Variants in TWIST2 observed in about 807,000 individuals in gnomAD.
The protein encoded by TWIST2 is twist family bHLH transcription factor 2, also known as twist-related protein 2.
Under a neutral mutation model 11.6 loss-of-function variants are expected in TWIST2, and 1 was observed. The observed-to-expected ratio is 0.09, with a 90% CI of 0.03 to 0.41. The LOEUF is 0.41. Among genes scored for constraint, TWIST2 ranks in the 10% least tolerant of loss-of-function variants. TWIST2 has a pLI of 0.98. For missense variants in TWIST2, 168 were observed against 226.4 expected (o/e 0.74, Z 1.66); for synonymous variants, 87 against 96.6 (o/e 0.90, Z 0.58).
chr2:238,878,228 G>C (rs143423882), intron 1 of TWIST2, among the ~76,000 whole-genome samples: 159 of 152,208 alleles, frequency 1.0e-3, no homozygotes, highest in African/African-American at 3.8e-3. Flanking sequence ...CAATTCAATA[G>C]TTAACCCCTG....
intron 1 of TWIST2, among the ~76,000 whole-genome samples, chr2:238,894,618 T>A (rs1361300386): frequency 2.0e-5 from 3 of 152,154 alleles, no homozygotes; most frequent in African/African-American, 7.2e-5. Flanking sequence ...CCTTGTCGCT[T>A]TGGGGAGTCC....
intron 1 of TWIST2, among the ~76,000 whole-genome samples, chr2:238,883,065 G>A (rs1189924171): frequency 6.6e-6 from 1 of 152,168 alleles, no homozygotes; most frequent in Non-Finnish European, 1.5e-5. Context: ...TCTCCTCCAG[G>A]TTCTGTTTTT....
chr2:238,869,415 C>T (rs1027040923), intron 1 of TWIST2, among the ~76,000 whole-genome samples: 4 of 152,152 alleles, frequency 2.6e-5, no homozygotes, highest in Non-Finnish European at 5.9e-5. Flanking sequence ...GAAATGACAA[C>T]CTGTGGAATG....
At chr2:238,899,223 C>T (rs879001346) in intron 1 of TWIST2, among the ~76,000 whole-genome samples, 54,549 of 152,222 alleles carry the variant, frequency 0.36, 9,949 homozygotes, top group Middle Eastern at 0.49. Flanking sequence ...TTTCTCTCTG[C>T]TTTCTTCATT....
chr2:238,906,538 G>A (rs1693358364), intron 1 of TWIST2, among the ~76,000 whole-genome samples: 1 of 151,922 alleles, frequency 6.6e-6, no homozygotes, highest in Non-Finnish European at 1.5e-5. Flanking sequence ...GCACACACAC[G>A]GGCCAACTTA....
chr2:238,907,155 A>C (rs1483855805), intron 1 of TWIST2, among the ~76,000 whole-genome samples: 1 of 152,108 alleles, frequency 6.6e-6, no homozygotes, highest in African/African-American at 2.4e-5. Flanking sequence ...AGCGGCCCTG[A>C]GGCGCGGCGC....
intron 1 of TWIST2, among the ~76,000 whole-genome samples, chr2:238,853,558 A>G (rs932644459): frequency 2.0e-5 from 3 of 152,112 alleles, no homozygotes. Flanking sequence ...TTTGTTTGGT[A>G]GTAACCCTTT....
At chr2:238,848,812 G>T (rs930953657) in intron 1 of TWIST2, 79 bp downstream of exon 1, 21 of 1,157,588 alleles carry the variant, frequency 1.8e-5, no homozygotes, top group Non-Finnish European at 2.0e-5. Context: ...GGGCCTGCTC[G>T]TGTCTCCTCG....
intron 1 of TWIST2, among the ~76,000 whole-genome samples, chr2:238,873,395 T>G (rs1201818397): frequency 6.6e-6 from 1 of 152,002 alleles, no homozygotes; most frequent in Non-Finnish European, 1.5e-5. Flanking sequence ...GGGAAGGACA[T>G]CTGAAGAAAT....
intron 1 of TWIST2, among the ~76,000 whole-genome samples, chr2:238,889,785 C>T (rs1024916716): frequency 2.6e-5 from 4 of 152,220 alleles, no homozygotes; most frequent in Non-Finnish European, 5.9e-5. Flanking sequence ...GCGTTCATTA[C>T]AGATTTCTTA....
chr2:238,861,632 T>C (rs568306035), intron 1 of TWIST2, among the ~76,000 whole-genome samples: 1 of 152,290 alleles, frequency 6.6e-6, no homozygotes, highest in South Asian at 2.1e-4. Flanking sequence ...GAGAATGCAC[T>C]GAGTCAGCGT....
chr2:238,848,205 G>T lies in TWIST2; in HGVS notation c.-11G>T. 7.8e-7 allele frequency: 1 copy of T among 1,286,484 alleles called. No homozygotes were observed. The highest frequency in any genetic ancestry group is 3.1e-5 in the East Asian group (1 of 31,768). 79.7% of individuals were successfully genotyped at this position (1,286,484 alleles called of 1,614,324 possible). On this transcript the variant is annotated 5_prime_UTR_variant, in exon 1 of 2. Coordinates refer to ENST00000612363, the MANE Select transcript of TWIST2 (RefSeq NM_001271893.4). ...CGGCGCCCCCAGCCCCACGCGCGCC[G>T]GGCGGGCGCCATGGAGGAGGGCTCC...
At chr2:238,872,052 C>T (rs960492226) in intron 1 of TWIST2, among the ~76,000 whole-genome samples, 2 of 152,140 alleles carry the variant, frequency 1.3e-5, no homozygotes, top group African/African-American at 4.8e-5. Flanking sequence ...AATTTTATGT[C>T]GTGTATTTTA....
At chr2:238,858,974 G>A (rs539127608) in intron 1 of TWIST2, among the ~76,000 whole-genome samples, 2 of 152,302 alleles carry the variant, frequency 1.3e-5, no homozygotes, top group Non-Finnish European at 2.9e-5. Flanking sequence ...CACTTTGGGA[G>A]GCTGAGGCGG....
chr2:238,860,552 T>C (rs1692413092), intron 1 of TWIST2, among the ~76,000 whole-genome samples: 1 of 152,232 alleles, frequency 6.6e-6, no homozygotes, highest in Non-Finnish European at 1.5e-5. Context: ...TCCAGGATTG[T>C]TTGAATTTTC....
At chr2:238,895,854 G>A (rs936605996) in intron 1 of TWIST2, among the ~76,000 whole-genome samples, 158 of 152,228 alleles carry the variant, frequency 1.0e-3, no homozygotes, top group African/African-American at 3.6e-3. Flanking sequence ...GGCCTGGTCC[G>A]CTGCAGACAA....
Position 238,866,968 on chromosome 2 carries a change from C to T in TWIST2, c.*35+18235C>T, listed in dbSNP as rs896470368. Among the ~76,000 whole-genome samples, 5 of 152,120 alleles carry T rather than the reference C, an allele frequency of 3.3e-5. No individual in the cohort carries two copies. The highest frequency in any genetic ancestry group is 5.9e-5 in the Non-Finnish European group (4 of 68,044). Reference sequence around the variant, plus strand: ...GGTCATGGAGGGAGCCTCTGTTTCCCCACCAAGTACACCAAGAAACTACAC... The same window carrying T: ...GGTCATGGAGGGAGCCTCTGTTTCCTCACCAAGTACACCAAGAAACTACAC... On this transcript the variant is annotated intron_variant, in intron 1 of 1. Coordinates refer to ENST00000612363, the MANE Select transcript of TWIST2 (RefSeq NM_001271893.4). The surrounding 1 kb of genome is among the most constrained non-coding windows in gnomAD (Gnocchi z 4.9).
At chr2:238,855,186 C>T (rs1692308918) in intron 1 of TWIST2, among the ~76,000 whole-genome samples, 1 of 152,172 alleles carries the variant, frequency 6.6e-6, no homozygotes, top group African/African-American at 2.4e-5. Context: ...ATCTCAGTCT[C>T]AGGGAGACTG....
chr2:238,882,953 G>A (rs1692964173), intron 1 of TWIST2, among the ~76,000 whole-genome samples: 1 of 152,142 alleles, frequency 6.6e-6, no homozygotes, highest in South Asian at 2.1e-4. Flanking sequence ...GTGTGGTCCA[G>A]GGTGCAGATG....
Sources: gnomAD v4.1 joint callset for allele counts (sites outside exome capture counted in the v4.1 genomes callset) on GRCh38, gnomAD v4.1.1 for gene constraint, Gnocchi (gnomAD v3.1) non-coding constraint, MANE v1.5 for transcripts, NCBI Gene and HGNC (gene_info 2026-07-23, HGNC 2026-07-21) for gene names.